CWC27: variants seen among roughly 807,000 people sequenced by gnomAD.
The protein encoded by CWC27 is spliceosome-associated protein CWC27 homolog.
In CWC27, 47 loss-of-function variants were observed where a neutral mutation model predicts 63.6. The observed-to-expected ratio is 0.74, with a 90% CI of 0.58 to 0.94. CWC27 has a LOEUF of 0.94. CWC27 is among the 40% of genes least tolerant of loss of function. CWC27 has a pLI of 0.00. For synonymous variants in CWC27, 175 were observed against 179.8 expected (o/e 0.97, Z 0.22); for missense variants, 495 against 554.3 (o/e 0.89, Z 1.07).
At chr5:65,014,175 T>C (rs1750011458) in intron 13 of CWC27, among the ~76,000 whole-genome samples, 1 of 147,380 alleles carries the variant, frequency 6.8e-6, no homozygotes, top group South Asian at 2.1e-4. Flanking sequence ...CTGAAAATAG[T>C]AAACTTCCAT....
intron 11 of CWC27, among the ~76,000 whole-genome samples, chr5:64,891,385 T>G (rs893103724): frequency 2.0e-5 from 3 of 152,230 alleles, no homozygotes; most frequent in African/African-American, 7.2e-5. Context: ...CCTTACTACC[T>G]TTAAGTGCTA....
rs1272899193 is a variant in CWC27 at position 64,940,890 on chromosome 5, C to T, written c.1043-30813C>T. Among the ~76,000 whole-genome samples the T allele has an allele frequency of 2.3e-4, 32 of 138,710 alleles. 1 individual carries two copies. The highest frequency in any genetic ancestry group is 2.3e-4 in the Admixed American group (3 of 12,858). The allele number at this position is 138,710 out of a possible 152,430, so 91.0% of individuals were successfully genotyped here. A position where few individuals can be genotyped will look rare whatever the true frequency, so the allele number is the denominator to read the frequency against. On this transcript the variant is annotated intron_variant, in intron 11 of 13. Transcript: ENST00000381070. ...TTGAGACAGTCTTACTTTGTCGCCC[C>T]GGCTGGAGTGGAATGGCACGATCTT... is the stretch of plus-strand genomic sequence containing the variant.
At position 64,815,328 on chromosome 5, in the gene CWC27, A is replaced by G. The variant is rs750596058; in HGVS notation, c.938+10942A>G. On this transcript the variant is annotated intron_variant, in intron 10 of 13. Coordinates refer to ENST00000381070, the MANE Select transcript of CWC27 (RefSeq NM_005869.4). ...TCATCTTCATTCTAGGCCTGGGATG[A>G]AGGAACAGCTCCTCTCTGAAATGTG... Among the ~76,000 whole-genome samples the G allele has an allele frequency of 5.1e-4, 78 of 152,278 alleles. 1 individual carries two copies. Among genetic ancestry groups the G allele is most frequent in the Admixed American group, 9.8e-4 (15 of 15,278 alleles).
intron 7 of CWC27, among the ~76,000 whole-genome samples, chr5:64,794,050 AT>A (rs1744171608): frequency 6.6e-6 from 1 of 152,130 alleles, no homozygotes; most frequent in Non-Finnish European, 1.5e-5. Flanking sequence ...GAATCATAGA[AT>A]TTTATAGCTC....
At chr5:64,875,373 G>T (rs1430462075) in intron 10 of CWC27, among the ~76,000 whole-genome samples, 2 of 152,176 alleles carry the variant, frequency 1.3e-5, no homozygotes, top group South Asian at 2.1e-4. Flanking sequence ...GTAAGTAATG[G>T]TGTAGCAGAT....
At chr5:64,811,329 A>G (rs970990859) in intron 10 of CWC27, among the ~76,000 whole-genome samples, 27 of 152,096 alleles carry the variant, frequency 1.8e-4, no homozygotes, top group African/African-American at 6.3e-4. Context: ...TGACTAAACA[A>G]TAAAATCAGC....
At chr5:64,819,261 T>C (rs1336130513) in intron 10 of CWC27, among the ~76,000 whole-genome samples, 2 of 152,144 alleles carry the variant, frequency 1.3e-5, no homozygotes, top group Non-Finnish European at 2.9e-5. Flanking sequence ...AGGGACATCA[T>C]ACTGGACTTA....
intron 10 of CWC27, among the ~76,000 whole-genome samples, chr5:64,854,241 GT>G (rs775612382): frequency 1.3e-5 from 2 of 152,136 alleles, no homozygotes; most frequent in Non-Finnish European, 2.9e-5. Flanking sequence ...CCTCTTGGCT[GT>G]TGTGGATAAT....
chr5:64,861,976 T>C (rs1746423280), intron 10 of CWC27, among the ~76,000 whole-genome samples: 1 of 152,242 alleles, frequency 6.6e-6, no homozygotes, highest in Admixed American at 6.5e-5. Context: ...CATCTTGGTA[T>C]GAGGATTTAA....
intron 10 of CWC27, among the ~76,000 whole-genome samples, chr5:64,870,066 A>C (rs1746630436): frequency 6.6e-6 from 1 of 152,108 alleles, no homozygotes; most frequent in Non-Finnish European, 1.5e-5. Flanking sequence ...GCAAGAGCTG[A>C]ATAATTCCCA....
At chr5:64,872,293 C>T (rs1489623271) in intron 10 of CWC27, among the ~76,000 whole-genome samples, 4 of 152,126 alleles carry the variant, frequency 2.6e-5, no homozygotes, top group African/African-American at 9.7e-5. Flanking sequence ...ATCTCTCATG[C>T]ATAACTGGTT....
intron 13 of CWC27, among the ~76,000 whole-genome samples, chr5:65,012,926 C>T (rs1015959730): frequency 1.2e-4 from 19 of 152,112 alleles, no homozygotes; most frequent in Admixed American, 5.9e-4. Context: ...CATCCCAGAA[C>T]AATTAAATCA....
intron 11 of CWC27, among the ~76,000 whole-genome samples, chr5:64,915,666 G>T (rs1177943567): frequency 6.6e-6 from 1 of 152,066 alleles, no homozygotes; most frequent in Non-Finnish European, 1.5e-5. Flanking sequence ...GCCTTCTCTG[G>T]TTGGCCCTGT....
intron 13 of CWC27, among the ~76,000 whole-genome samples, chr5:65,009,652 ACTCT>A (rs1031577739): frequency 1.3e-5 from 2 of 151,772 alleles, no homozygotes; most frequent in African/African-American, 2.4e-5. Context: ...AGAAACTAAA[ACTCT>A]CTCTCTCTGG....
At chr5:65,009,404 G>C (rs1236558158) in intron 13 of CWC27, among the ~76,000 whole-genome samples, 1 of 152,156 alleles carries the variant, frequency 6.6e-6, no homozygotes, top group Admixed American at 6.5e-5. Flanking sequence ...CAGTATAATA[G>C]AGTATTATAA....
At chr5:64,788,821 G>A in intron 6 of CWC27, 130 bp from the exon 7 acceptor site, 4 of 607,400 alleles carry the variant, frequency 6.6e-6, no homozygotes, top group Non-Finnish European at 1.2e-5. Flanking sequence ...TGAGTAATAT[G>A]GTCTTTTTTA....
chr5:64,893,855 C>T (rs1208231968), intron 11 of CWC27, among the ~76,000 whole-genome samples: 3 of 151,896 alleles, frequency 2.0e-5, no homozygotes, highest in Non-Finnish European at 4.4e-5. Context: ...TCTGATCTTG[C>T]GTGTGCTCTA....
intron 10 of CWC27, among the ~76,000 whole-genome samples, chr5:64,833,315 C>T (rs1029525345): frequency 2.0e-5 from 3 of 151,740 alleles, no homozygotes; most frequent in Admixed American, 2.0e-4. Context: ...TCCTCAGATA[C>T]AGTTCTTTCT....
At chr5:64,961,521 C>T (rs1439831575) in intron 11 of CWC27, among the ~76,000 whole-genome samples, 2 of 151,902 alleles carry the variant, frequency 1.3e-5, no homozygotes, top group South Asian at 2.1e-4. Context: ...GTATTATATC[C>T]GTGAATCCAC....
Sources: allele counts gnomAD v4.1 joint callset (sites outside exome capture counted in the v4.1 genomes callset), GRCh38; gene constraint gnomAD v4.1.1; transcripts MANE v1.5; gene names NCBI Gene and HGNC (gene_info 2026-07-23, HGNC 2026-07-21).